Variants in PCBP3 observed in about 807,000 individuals in gnomAD.
PCBP3 encodes the protein poly(rC)-binding protein 3.
Under a neutral mutation model 52.7 loss-of-function variants are expected in PCBP3, and 25 were observed. The observed-to-expected ratio is 0.47, with a 90% CI of 0.35 to 0.66. PCBP3 has a LOEUF of 0.66. PCBP3 is among the 30% of genes least tolerant of loss of function. PCBP3 has a pLI of 0.01. For missense variants in PCBP3, 391 were observed against 490.3 expected (o/e 0.80, Z 1.91); for synonymous variants, 162 against 183.0 (o/e 0.89, Z 0.93).
intron 11 of PCBP3, among the ~76,000 whole-genome samples, chr21:45,913,051 C>T (rs1410309092): frequency 6.6e-6 from 1 of 152,148 alleles, no homozygotes; most frequent in Non-Finnish European, 1.5e-5. Flanking sequence ...TGGGCTCCAG[C>T]CCCCACCTCT....
intron 4 of PCBP3, among the ~76,000 whole-genome samples, chr21:45,765,619 C>A (rs559767261): frequency 6.6e-6 from 1 of 152,138 alleles, no homozygotes; most frequent in Non-Finnish European, 1.5e-5. Context: ...GGTTTGCCAG[C>A]GCGGCTCTTC....
intron 4 of PCBP3, among the ~76,000 whole-genome samples, chr21:45,777,100 G>A (rs1020399715): frequency 6.6e-6 from 1 of 152,168 alleles, no homozygotes; most frequent in Non-Finnish European, 1.5e-5. Context: ...TAGGGATGAT[G>A]TAGTGGTAAC....
chr21:45,782,667 A>C (rs1373478424), intron 4 of PCBP3, among the ~76,000 whole-genome samples: 1 of 152,260 alleles, frequency 6.6e-6, no homozygotes, highest in East Asian at 1.9e-4. Context: ...AGACATTTAT[A>C]TTCAAATTCA....
At chr21:45,729,718 A>G (rs1278291236) in intron 2 of PCBP3, among the ~76,000 whole-genome samples, 1 of 152,012 alleles carries the variant, frequency 6.6e-6, no homozygotes, top group Non-Finnish European at 1.5e-5. Context: ...TGGTCAGTGC[A>G]ACTAGATATT....
At chr21:45,901,343 A>T (rs919389069) in intron 9 of PCBP3, 8 of 492,524 alleles carry the variant, frequency 1.6e-5, no homozygotes, top group Admixed American at 6.5e-5. Context: ...TCCCGGCTGT[A>T]TGCCTTAGGT....
At chr21:45,892,924 C>T (rs1035176438) in intron 5 of PCBP3, among the ~76,000 whole-genome samples, 4 of 151,900 alleles carry the variant, frequency 2.6e-5, no homozygotes, top group East Asian at 1.9e-4. Context: ...TGGAAATCAG[C>T]GCAGGGAACT....
Position 45,704,929 on chromosome 21 carries a change from T to TCTGGAG in PCBP3, c.-199-30461_-199-30456dup, listed in dbSNP as rs201664960. On this transcript the variant is annotated intron_variant, in intron 2 of 17. Transcript: ENST00000681687. This position sits in a 1 kb window ranked among gnomAD's most constrained non-coding sequence, Gnocchi z 4.1. ...ACCAAATACCAGCTTCCCTTTGGTC[T>TCTGGAG]CTGGAGCCTGGTTTCTACCATTAGC... 3.7e-3 allele frequency among the ~76,000 whole-genome samples: 569 copies of TCTGGAG among 152,310 alleles called. 2 individuals carry two copies. The highest frequency in any genetic ancestry group is 0.013 in the African/African-American group (550 of 41,570).
intron 16 of PCBP3, among the ~76,000 whole-genome samples, chr21:45,937,117 TG>T (rs548092498): frequency 2.0e-5 from 3 of 152,238 alleles, no homozygotes; most frequent in Non-Finnish European, 4.4e-5. Flanking sequence ...AAAAATAAAA[TG>T]GGCGTGCTTG....
At chr21:45,825,269 A>C (rs531281219) in intron 4 of PCBP3, among the ~76,000 whole-genome samples, 4 of 152,350 alleles carry the variant, frequency 2.6e-5, no homozygotes, top group African/African-American at 9.6e-5. Context: ...TGACATTCTC[A>C]GCGCCTTCCT....
Position 45,917,629 on chromosome 21 carries a change from T to C in PCBP3, c.717T>C (p.Asp239=), listed in dbSNP as rs1165958919. The C allele has an allele frequency of 6.2e-7, 1 of 1,611,744 alleles. No homozygotes were observed. The highest frequency in any genetic ancestry group is 8.5e-7 in the Non-Finnish European group (1 of 1,177,864). ...GACAGTATGCCATCCCTCACCCGGA[T>C]GTGAGTCTTCACTTTGTCTTCCTCT... ...IQGQYAIPHP[D]QLTKLHQLAM... Residue 239 remains aspartate, a splice_region_variant and synonymous_variant, in exon 13 of 18, where the codon GAT becomes GAC. Transcript: ENST00000681687. The surrounding 1 kb of genome is among the most constrained non-coding windows in gnomAD (Gnocchi z 5.3).
At chr21:45,851,179 G>A (rs2093983315) in intron 5 of PCBP3, among the ~76,000 whole-genome samples, 2 of 152,206 alleles carry the variant, frequency 1.3e-5, no homozygotes, top group African/African-American at 2.4e-5. Flanking sequence ...AGCCCTGAAA[G>A]CTGTTTTGTG....
At chr21:45,747,394 C>T (rs573632771) in intron 3 of PCBP3, among the ~76,000 whole-genome samples, 12 of 152,220 alleles carry the variant, frequency 7.9e-5, no homozygotes, top group Non-Finnish European at 1.8e-4. Context: ...CACCGGGCAT[C>T]CTTGTTCTGA....
chr21:45,686,293 C>T (rs949036776), intron 2 of PCBP3, among the ~76,000 whole-genome samples: 2 of 152,102 alleles, frequency 1.3e-5, no homozygotes, highest in African/African-American at 2.4e-5. Context: ...ATGGAGCATC[C>T]CTCCTGAACC....
chr21:45,662,728 C>A (rs963361960), intron 1 of PCBP3, among the ~76,000 whole-genome samples: 5 of 152,054 alleles, frequency 3.3e-5, no homozygotes, highest in Admixed American at 2.0e-4. Flanking sequence ...GCTGAAGGGA[C>A]ATGATGAGAA....
intron 4 of PCBP3, among the ~76,000 whole-genome samples, chr21:45,765,222 G>T (rs1378438516): frequency 1.3e-5 from 2 of 152,162 alleles, no homozygotes. Context: ...GGGCACCAGG[G>T]TGACCCTCCA....
rs79887416 is a variant in PCBP3, at chr21:45,923,943, A to G, written c.718-5974A>G. On this transcript the variant is annotated intron_variant, in intron 13 of 17. Coordinates refer to ENST00000681687, the MANE Select transcript of PCBP3 (RefSeq NM_001384156.1). ...GGGTAGAAACAGCACACGTAAGATC[A>G]GGTGTGCACGAGGAGATGCGAACAC... Among the ~76,000 whole-genome samples, 129 of 15,984 alleles carry G rather than the reference A, an allele frequency of 8.1e-3. 16 individuals are homozygous for G. Among genetic ancestry groups the G allele is most frequent in the African/African-American group, 0.035 (46 of 1,328 alleles). 10.5% of individuals were successfully genotyped at this position (15,984 alleles called of 152,430 possible).
chr21:45,768,890 G>A (rs1031783164), intron 4 of PCBP3, among the ~76,000 whole-genome samples: 1 of 152,236 alleles, frequency 6.6e-6, no homozygotes, highest in Non-Finnish European at 1.5e-5. Flanking sequence ...AGGCACCTCT[G>A]CCTGTTCCGT....
intron 4 of PCBP3, among the ~76,000 whole-genome samples, chr21:45,824,363 A>G (rs1166285624): frequency 6.6e-6 from 1 of 152,182 alleles, no homozygotes; most frequent in Non-Finnish European, 1.5e-5. Flanking sequence ...CCATTGTCTA[A>G]CTAAGAGACT....
intron 11 of PCBP3, among the ~76,000 whole-genome samples, chr21:45,913,529 G>A (rs1473036019): frequency 3.3e-5 from 5 of 152,204 alleles, no homozygotes; most frequent in Non-Finnish European, 5.9e-5. Context: ...CGGTGGAGGG[G>A]CCAGCACCGC....
Sources: allele counts gnomAD v4.1 joint callset (sites outside exome capture counted in the v4.1 genomes callset), GRCh38; gene constraint gnomAD v4.1.1; non-coding constraint Gnocchi (gnomAD v3.1); transcripts MANE v1.5; gene names NCBI Gene and HGNC (gene_info 2026-07-23, HGNC 2026-07-21).